Variants in LRP1B observed in about 807,000 individuals in gnomAD.
LRP1B encodes the protein LDL receptor related protein 1B, also known as low-density lipoprotein receptor-related protein 1B.
Under a neutral mutation model 556.6 loss-of-function variants are expected in LRP1B, and 217 were observed. The observed-to-expected ratio is 0.39, with a 90% CI of 0.35 to 0.44. The LOEUF (loss-of-function observed/expected upper bound fraction) is 0.44, where lower values mean the gene tolerates loss of function less well. Among genes scored for constraint, LRP1B ranks in the 20% least tolerant of loss-of-function variants. The pLI, the probability that LRP1B is intolerant of heterozygous loss-of-function variation, is 1.00. For synonymous variants in LRP1B, 2,047 were observed against 1,865.8 expected, an observed-to-expected ratio of 1.10 and a Z score of -2.50; for missense variants, 5,053 against 5,620.8, an observed-to-expected ratio of 0.90 and a Z score of 3.23.
chr2:140,303,557 A>C (rs1343277145), intron 83 of LRP1B, among the ~76,000 whole-genome samples: 1 of 152,032 alleles, frequency 6.6e-6, no homozygotes, highest in African/African-American at 2.4e-5. Flanking sequence ...CATAATAATA[A>C]ACTCTTACAA....
At chr2:141,766,417 C>T (rs1694734575) in intron 2 of LRP1B, among the ~76,000 whole-genome samples, 1 of 152,164 alleles carries the variant, frequency 6.6e-6, no homozygotes, top group Non-Finnish European at 1.5e-5. Context: ...ATTTTCAAGG[C>T]TAGTATCTTA....
intron 3 of LRP1B, among the ~76,000 whole-genome samples, chr2:141,446,889 C>T (rs113373817): frequency 2.2e-4 from 33 of 152,150 alleles, no homozygotes; most frequent in African/African-American, 7.0e-4. Context: ...AGTTATGTGT[C>T]TTGGGGTTGC....
intron 2 of LRP1B, among the ~76,000 whole-genome samples, chr2:141,703,876 A>G (rs1692046603): frequency 6.6e-6 from 1 of 151,934 alleles, no homozygotes; most frequent in Non-Finnish European, 1.5e-5. Context: ...GATTTTCTAA[A>G]CCATACTGAT....
At chr2:141,073,412 A>G (rs561880109) in intron 7 of LRP1B, among the ~76,000 whole-genome samples, 1 of 151,720 alleles carries the variant, frequency 6.6e-6, no homozygotes, top group Non-Finnish European at 1.5e-5. Context: ...GTTTTTCCTC[A>G]GTTACTTTCT....
intron 18 of LRP1B, among the ~76,000 whole-genome samples, chr2:140,960,307 T>C (rs1342267971): frequency 6.6e-6 from 1 of 151,866 alleles, no homozygotes; most frequent in Non-Finnish European, 1.5e-5. Flanking sequence ...TGGATCAAGA[T>C]ACGATTATAA....
chr2:141,125,728 T>C (rs1701186130), intron 7 of LRP1B, among the ~76,000 whole-genome samples: 1 of 151,926 alleles, frequency 6.6e-6, no homozygotes, highest in South Asian at 2.1e-4. Flanking sequence ...CTGTGTACTT[T>C]ATCCTTATTT....
chr2:140,513,847 G>A (rs1558934916), intron 51 of LRP1B, among the ~76,000 whole-genome samples: 1 of 151,936 alleles, frequency 6.6e-6, no homozygotes, highest in Non-Finnish European at 1.5e-5. Flanking sequence ...TGCCACCAAA[G>A]GCTGATGTAA....
intron 2 of LRP1B, among the ~76,000 whole-genome samples, chr2:141,609,737 T>A (rs550182950): frequency 6.6e-6 from 1 of 152,246 alleles, no homozygotes; most frequent in South Asian, 2.1e-4. Context: ...TAATGGTGAT[T>A]TTCTTCCAGG....
chr2:141,362,640 T>C (rs1000956688), intron 3 of LRP1B, among the ~76,000 whole-genome samples: 1 of 152,220 alleles, frequency 6.6e-6, no homozygotes. Flanking sequence ...TTCAGCAATA[T>C]TTTCACAGAC....
chr2:141,013,234 C>T (rs917269695), intron 14 of LRP1B, among the ~76,000 whole-genome samples: 15 of 151,832 alleles, frequency 9.9e-5, no homozygotes, highest in South Asian at 2.1e-4. Flanking sequence ...ACAATACTTA[C>T]GCTTTGAAAA....
At chr2:140,563,721 T>A (rs1034855719) in intron 43 of LRP1B, among the ~76,000 whole-genome samples, 5 of 152,316 alleles carry the variant, frequency 3.3e-5, no homozygotes, top group Middle Eastern at 3.4e-3. Flanking sequence ...GTTGAGTGTA[T>A]CTGGAATTAC....
At chr2:140,267,923 C>T (rs1367680446) in intron 86 of LRP1B, among the ~76,000 whole-genome samples, 1 of 144,932 alleles carries the variant, frequency 6.9e-6, no homozygotes, top group Non-Finnish European at 1.6e-5. Flanking sequence ...TTTGATGATA[C>T]TTGGTAAGAG....
chr2:141,074,853 T>C (rs1303458464), intron 7 of LRP1B, among the ~76,000 whole-genome samples: 1 of 152,138 alleles, frequency 6.6e-6, no homozygotes, highest in Non-Finnish European at 1.5e-5. Context: ...AAATTATTAC[T>C]TTGTTCAGTT....
chr2:140,358,861 A>T lies in LRP1B; in HGVS notation c.11217T>A (p.Ile3739=), dbSNP rs2105138005. 2 of 1,609,352 alleles carry T rather than the reference A, an allele frequency of 1.2e-6. No homozygotes were observed. Among genetic ancestry groups the T allele is most frequent in the Non-Finnish European group, 1.7e-6 (2 of 1,176,452 alleles). Residue 3739 remains isoleucine, a synonymous_variant, in exon 73 of 91, where the codon ATT becomes ATA. Transcript: ENST00000389484. The stretch of plus-strand genomic sequence containing the variant: ...CATCTGAATTGTCACCGCATTCATC[A>T]ATCCCATTGCACATTTGCTCCGACT... The part of the protein sequence containing the change: ...CLQSEQMCNG[I]DECGDNSDED...
intron 47 of LRP1B, among the ~76,000 whole-genome samples, chr2:140,532,938 A>ATATATATCTATATCTATATCTATATC (rs1690770249): frequency 8.8e-6 from 1 of 113,714 alleles, no homozygotes; most frequent in African/African-American, 3.0e-5. Context: ...AGATATATAT[A>ATATATATCTATATCTATATCTATATC]TATATATATA....
In LRP1B at chr2:140,506,931, T is replaced by C. The variant is rs945390236; in HGVS notation, c.8399-13A>G. On this transcript the variant is annotated splice_polypyrimidine_tract_variant and intron_variant, in intron 52 of 90. Transcript: ENST00000389484. ...GTATTATTGGGAGCTAAGAAAGGCA[T>C]CACAAAAAATAAAGTTAGATGAGCA... The C allele has an allele frequency of 5.0e-6, 8 of 1,612,174 alleles. No homozygotes were observed. Among genetic ancestry groups the C allele is most frequent in the Non-Finnish European group, 5.9e-6 (7 of 1,179,194 alleles).
At chr2:141,360,591 G>C (rs1688786796) in intron 3 of LRP1B, among the ~76,000 whole-genome samples, 2 of 152,120 alleles carry the variant, frequency 1.3e-5, no homozygotes, top group African/African-American at 4.8e-5. Flanking sequence ...GTAATGTAAA[G>C]GTGGTGTAAC....
intron 1 of LRP1B, among the ~76,000 whole-genome samples, chr2:141,844,988 T>C (rs561972937): frequency 2.7e-4 from 41 of 151,844 alleles, no homozygotes; most frequent in African/African-American, 8.0e-4. Context: ...CTTGAACTTT[T>C]CTCTTGTCAA....
intron 2 of LRP1B, among the ~76,000 whole-genome samples, chr2:141,645,806 T>C (rs955342065): frequency 2.6e-5 from 4 of 151,986 alleles, no homozygotes; most frequent in African/African-American, 7.2e-5. Flanking sequence ...CAAGGATAAA[T>C]ACAAAACATG....
Sources: allele counts gnomAD v4.1 joint callset (sites outside exome capture counted in the v4.1 genomes callset), GRCh38; gene constraint gnomAD v4.1.1; transcripts MANE v1.5; gene names NCBI Gene and HGNC (gene_info 2026-07-23, HGNC 2026-07-21).